Variants in SRRM4 observed in about 807,000 individuals in gnomAD.
SRRM4 encodes the protein serine/arginine repetitive matrix protein 4.
In SRRM4, 33 loss-of-function variants were observed where a neutral mutation model predicts 68.9. The observed-to-expected ratio is 0.48, with a 90% CI of 0.36 to 0.64. The LOEUF is 0.64. Among genes scored for constraint, SRRM4 ranks in the 30% least tolerant of loss-of-function variants. SRRM4 has a pLI of 0.00. For synonymous variants in SRRM4, 318 were observed against 318.8 expected (o/e 1.00, Z 0.03); for missense variants, 817 against 827.1 (o/e 0.99, Z 0.15).
chr12:118,987,202 T>C (rs1168145780), intron 1 of SRRM4, among the ~76,000 whole-genome samples: 1 of 152,144 alleles, frequency 6.6e-6, no homozygotes, highest in Non-Finnish European at 1.5e-5. Context: ...TACTCCTCTG[T>C]TGGGGTTGTA....
intron 1 of SRRM4, among the ~76,000 whole-genome samples, chr12:119,098,321 G>A (rs1954057411): frequency 6.6e-6 from 1 of 152,206 alleles, no homozygotes; most frequent in Admixed American, 6.5e-5. Flanking sequence ...GAACAGAGAA[G>A]ACATGGATTG....
At chr12:119,023,491 T>C (rs761554950) in intron 1 of SRRM4, among the ~76,000 whole-genome samples, 1 of 152,044 alleles carries the variant, frequency 6.6e-6, no homozygotes, top group Non-Finnish European at 1.5e-5. Context: ...AAGAAAGAGG[T>C]TGCAGGTCTC....
intron 4 of SRRM4, among the ~76,000 whole-genome samples, chr12:119,118,873 G>A (rs1044838153): frequency 1.3e-5 from 2 of 152,096 alleles, no homozygotes; most frequent in Admixed American, 6.5e-5. Context: ...TTACAGAGTA[G>A]GGGGTTCATA....
chr12:119,137,441 G>A (rs886960245), intron 8 of SRRM4, among the ~76,000 whole-genome samples: 11 of 152,128 alleles, frequency 7.2e-5, no homozygotes, highest in South Asian at 2.1e-4. Flanking sequence ...TAACAGTGCC[G>A]GCTTCCCTGG....
chr12:119,105,583 T>C (rs1954102865), intron 2 of SRRM4, among the ~76,000 whole-genome samples: 1 of 152,242 alleles, frequency 6.6e-6, no homozygotes, highest in Admixed American at 6.5e-5. Flanking sequence ...ATGATGAGCA[T>C]TTTTTCATGT....
At chr12:118,985,672 T>C (rs10851059) in intron 1 of SRRM4, among the ~76,000 whole-genome samples, 42,303 of 152,008 alleles carry the variant, frequency 0.28, 5,997 homozygotes, top group African/African-American at 0.31. Flanking sequence ...TTTATCCCCA[T>C]CCAAGAAGGG....
intron 1 of SRRM4, among the ~76,000 whole-genome samples, chr12:119,015,489 T>A (rs1207773548): frequency 1.3e-5 from 2 of 152,190 alleles, no homozygotes; most frequent in Admixed American, 1.3e-4. Context: ...CCCAAGCTCC[T>A]GTCAAAGCCC....
chr12:119,044,241 A>G (rs1038200912), intron 1 of SRRM4, among the ~76,000 whole-genome samples: 2 of 152,112 alleles, frequency 1.3e-5, no homozygotes, highest in African/African-American at 4.8e-5. Flanking sequence ...ACCCAGGAAG[A>G]CTTTCTATGT....
At chr12:119,040,730 A>C (rs548547262) in intron 1 of SRRM4, among the ~76,000 whole-genome samples, 1 of 152,004 alleles carries the variant, frequency 6.6e-6, no homozygotes, top group South Asian at 2.1e-4. Context: ...TGTTGGATCA[A>C]ATGAGCTACC....
rs145442041 is a variant in SRRM4 at position 119,005,086 on chromosome 12, G to A, written c.131+23073G>A. Among the ~76,000 whole-genome samples the A allele has an allele frequency of 8.5e-3, 1,300 of 152,308 alleles. 16 individuals carry two copies. The highest frequency in any genetic ancestry group is 0.03 in the African/African-American group (1,231 of 41,558). Reference sequence around the variant, plus strand: ...AAACATAATAAAACTTTTACAACAGGCTCACTGTAGGCCCCTAAACTCTGG... The same window carrying A: ...AAACATAATAAAACTTTTACAACAGACTCACTGTAGGCCCCTAAACTCTGG... On this transcript the variant is annotated intron_variant, in intron 1 of 12. Coordinates refer to ENST00000267260, the MANE Select transcript of SRRM4 (RefSeq NM_194286.4).
intron 6 of SRRM4, among the ~76,000 whole-genome samples, chr12:119,122,724 G>A (rs1266505983): frequency 2.0e-5 from 3 of 151,944 alleles, no homozygotes; most frequent in Non-Finnish European, 2.9e-5. Flanking sequence ...CTGTGTGTGT[G>A]CGCTGTGTAA....
At position 119,029,842 on chromosome 12, in the gene SRRM4, C is replaced by A. The variant is rs561793804; in HGVS notation, c.131+47829C>A. On this transcript the variant is annotated intron_variant, in intron 1 of 12. Coordinates refer to ENST00000267260, the MANE Select transcript of SRRM4 (RefSeq NM_194286.4). ...GGATTAAATGCAGACATGGCAGGGT[C>A]AGAGACACAGTAGGCAGACAGCACC... is the stretch of plus-strand genomic sequence containing the variant. Among the ~76,000 whole-genome samples, 17 of 152,240 alleles carry A rather than the reference C, an allele frequency of 1.1e-4. No homozygotes were observed. In the South Asian group the frequency reaches 3.5e-3, roughly 32 times the overall value.
intron 9 of SRRM4, among the ~76,000 whole-genome samples, chr12:119,149,443 GT>G (rs1356342562): frequency 6.6e-6 from 1 of 152,228 alleles, no homozygotes; most frequent in African/African-American, 2.4e-5. Flanking sequence ...CCAGGGAGCT[GT>G]CTCCAGGGAG....
chr12:118,987,429 C>T lies in SRRM4; in HGVS notation c.131+5416C>T, dbSNP rs534949200. 8.5e-5 allele frequency among the ~76,000 whole-genome samples: 13 copies of T among 152,300 alleles called. No individual in the cohort carries two copies. The South Asian group carries it at 2.7e-3, about 32-fold the overall frequency. On this transcript the variant is annotated intron_variant, in intron 1 of 12. Transcript: ENST00000267260. ...TGGACTCCTGAGCAGCTCCAATGCT[C>T]TGTATTCACTTTTAAATGTGGCTTT...
chr12:119,067,334 A>G (rs1361963696), intron 1 of SRRM4, among the ~76,000 whole-genome samples: 1 of 152,112 alleles, frequency 6.6e-6, no homozygotes, highest in Non-Finnish European at 1.5e-5. Context: ...GCTTCTTATC[A>G]TATTTCTTAT....
At position 119,125,458 on chromosome 12, in the gene SRRM4, G is replaced by A. The variant is rs200534240; in HGVS notation, c.593G>A (p.Arg198His). 2.7e-4 allele frequency: 434 copies of A among 1,607,878 alleles called. 2 individuals are homozygous for A. In the African/African-American group the frequency reaches 4.9e-3, roughly 18 times the overall value. Residue 198 changes from arginine (R) to histidine (H), a missense_variant, in exon 7 of 13, where the codon CGC becomes CAC. Physicochemically the swap from Arg to His is conservative, Grantham distance 29. Coordinates refer to ENST00000267260, the MANE Select transcript of SRRM4 (RefSeq NM_194286.4). ...TCGCGGTCCCAGAGCTCGGAGTCCCGCCCCTCAAGCTGTGAGAGCAGGTAA... is the reference window on the plus strand; with the variant it reads ...TCGCGGTCCCAGAGCTCGGAGTCCCACCCCTCAAGCTGTGAGAGCAGGTAA... ...CPSRSQSSESRPSSCESRHRG... is the reference protein window; with the variant it reads ...CPSRSQSSESHPSSCESRHRG...
At chr12:119,023,831 A>G (rs1362845885) in intron 1 of SRRM4, among the ~76,000 whole-genome samples, 2 of 152,146 alleles carry the variant, frequency 1.3e-5, no homozygotes, top group Non-Finnish European at 2.9e-5. Context: ...CCAACATATA[A>G]TAGGTGCTCA....
intron 1 of SRRM4, among the ~76,000 whole-genome samples, chr12:119,002,519 G>C (rs532821726): frequency 6.6e-6 from 1 of 152,284 alleles, no homozygotes; most frequent in South Asian, 2.1e-4. Context: ...CCTGGGGTCT[G>C]GTTGGACATT....
rs769083054 is a variant in SRRM4 at position 119,125,415 on chromosome 12, C to G, written c.550C>G (p.Arg184Gly). The change falls in exon 7 of 13, where the codon CGC (arginine) becomes GGC (glycine). Residue 184 changes from arginine to glycine, a missense_variant. Arg to Gly is a moderately radical substitution (Grantham distance 125). Transcript: ENST00000267260. ...RSRPRKSHRH[R>G]HHRCPSRSQS... ...CCGGCCCCGAAAGTCTCACCGCCAC[C>G]GCCATCACCGCTGCCCCTCGCGGTC... The G allele has an allele frequency of 7.4e-6, 12 of 1,613,666 alleles. No homozygotes were observed. Among genetic ancestry groups the G allele is most frequent in the Non-Finnish European group, 9.3e-6 (11 of 1,179,752 alleles).
Sources: gnomAD v4.1 joint callset for allele counts (sites outside exome capture counted in the v4.1 genomes callset) on GRCh38, gnomAD v4.1.1 for gene constraint, MANE v1.5 for transcripts, NCBI Gene and HGNC (gene_info 2026-07-23, HGNC 2026-07-21) for gene names.